Variants in FAM162A observed in about 807,000 individuals in gnomAD.
The protein encoded by FAM162A is family with sequence similarity 162 member A.
A neutral mutation model predicts 21.8 loss-of-function variants in FAM162A; 23 were observed. The ratio of observed to expected loss-of-function variants is 1.05; its 90% CI spans 0.76 to 1.49. The LOEUF is 1.49. Ranked by LOEUF, FAM162A falls within the 40% of genes most tolerant of loss-of-function variation. The pLI is 0.00. For synonymous variants in FAM162A, 53 were observed against 61.3 expected (o/e 0.86, Z 0.64); for missense variants, 165 against 186.4 (o/e 0.89, Z 0.67).
At chr3:122,385,822 G>C (rs1167693931) in intron 1 of FAM162A, among the ~76,000 whole-genome samples, 1 of 152,194 alleles carries the variant, frequency 6.6e-6, no homozygotes, top group African/African-American at 2.4e-5. Flanking sequence ...CTGATGCTTT[G>C]TGAGCAACTC....
chr3:122,397,222 AGGG>A (rs756443052), intron 1 of FAM162A, among the ~76,000 whole-genome samples: 4 of 151,990 alleles, frequency 2.6e-5, no homozygotes, highest in Non-Finnish European at 4.4e-5. Flanking sequence ...TTTAACAGCA[AGGG>A]GGGAAAAGTA....
intron 4 of FAM162A, 161 bp downstream of exon 4, chr3:122,407,550 C>T: frequency 1.8e-6 from 1 of 543,528 alleles, no homozygotes; most frequent in Non-Finnish European, 3.3e-6. Flanking sequence ...TGGGAACAAG[C>T]CTGGAATATC....
At chr3:122,406,476 T>TA (rs2107701159) in intron 3 of FAM162A, among the ~76,000 whole-genome samples, 1 of 152,366 alleles carries the variant, frequency 6.6e-6, no homozygotes, top group East Asian at 1.9e-4. Context: ...TAGACTCTTC[T>TA]ATATTAAGCC....
chr3:122,394,751 T>C (rs949950580), intron 1 of FAM162A, among the ~76,000 whole-genome samples: 1 of 151,970 alleles, frequency 6.6e-6, no homozygotes. Context: ...TCTTCCAAAA[T>C]ACAAAAGAGG....
chr3:122,392,487 A>G (rs907116999), intron 1 of FAM162A, among the ~76,000 whole-genome samples: 2 of 152,244 alleles, frequency 1.3e-5, no homozygotes, highest in African/African-American at 4.8e-5. Context: ...GGTAAATTTT[A>G]TGTTATGTAT....
At chr3:122,389,418 GATAGAT>G (rs2075590005) in intron 1 of FAM162A, among the ~76,000 whole-genome samples, 1 of 151,848 alleles carries the variant, frequency 6.6e-6, no homozygotes, top group Non-Finnish European at 1.5e-5. Context: ...TAGATAGATA[GATAGAT>G]AGATAGATAG....
intron 1 of FAM162A, among the ~76,000 whole-genome samples, chr3:122,394,264 G>C (rs1410071419): frequency 6.6e-6 from 1 of 152,088 alleles, no homozygotes; most frequent in Non-Finnish European, 1.5e-5. Context: ...CAACACTGGG[G>C]GTTACATTTC....
chr3:122,401,150 A>G (rs1415997081), intron 1 of FAM162A, among the ~76,000 whole-genome samples: 1 of 152,036 alleles, frequency 6.6e-6, no homozygotes, highest in Non-Finnish European at 1.5e-5. Flanking sequence ...CTGAAAATGC[A>G]TTTTTCATTT....
intron 1 of FAM162A, among the ~76,000 whole-genome samples, chr3:122,398,326 G>A (rs917259607): frequency 2.0e-5 from 3 of 152,118 alleles, no homozygotes; most frequent in Non-Finnish European, 4.4e-5. Flanking sequence ...ATGAAAGGTT[G>A]ATGGGGAACT....
intron 1 of FAM162A, among the ~76,000 whole-genome samples, chr3:122,384,936 T>C (rs1239991325): frequency 6.6e-6 from 1 of 152,222 alleles, no homozygotes; most frequent in Non-Finnish European, 1.5e-5. Flanking sequence ...ATTTGTGTGA[T>C]GACTATTTTG....
At chr3:122,385,653 A>G (rs1191052050) in intron 1 of FAM162A, among the ~76,000 whole-genome samples, 1 of 152,246 alleles carries the variant, frequency 6.6e-6, no homozygotes, top group East Asian at 1.9e-4. Flanking sequence ...CATCTCTGCA[A>G]ACTTCTGATG....
Position 122,402,765 on chromosome 3 carries a change from T to C in FAM162A, c.40T>C (p.Cys14Arg). Residue 14 changes from cysteine (C) to arginine (R), a missense_variant, in exon 2 of 5, where the codon TGT becomes CGT. Transcript: ENST00000477892. ...CATTTTCCTCTCTTTTTTAGGAAGC[T>C]GTTTTAGGTTATGTGAAAGAGATGT... ...LSGLRLAAGS[C>R]FRLCERDVSS... 1 of 1,479,388 alleles carries C rather than the reference T, an allele frequency of 6.8e-7. No homozygotes were observed. Among genetic ancestry groups the C allele is most frequent in the Non-Finnish European group, 9.0e-7 (1 of 1,112,466 alleles). 91.6% of individuals were successfully genotyped at this position (1,479,388 alleles called of 1,614,324 possible).
intron 1 of FAM162A, among the ~76,000 whole-genome samples, chr3:122,396,961 A>G (rs1215420096): frequency 6.9e-6 from 1 of 144,286 alleles, no homozygotes; most frequent in Non-Finnish European, 1.5e-5. Context: ...GAAGGAGGAA[A>G]CAGGGAATGA....
At chr3:122,408,836 T>C (rs973557222) in intron 4 of FAM162A, among the ~76,000 whole-genome samples, 4 of 152,226 alleles carry the variant, frequency 2.6e-5, no homozygotes, top group African/African-American at 9.6e-5. Flanking sequence ...ATATGCTGTG[T>C]ATTTTAGAGA....
intron 1 of FAM162A, among the ~76,000 whole-genome samples, chr3:122,400,331 T>C (rs2075647099): frequency 6.6e-6 from 1 of 151,236 alleles, no homozygotes; most frequent in Admixed American, 6.6e-5. Flanking sequence ...TGAGAACACA[T>C]GGACACAGGG....
chr3:122,389,366 G>C (rs2075588623), intron 1 of FAM162A, among the ~76,000 whole-genome samples: 1 of 149,008 alleles, frequency 6.7e-6, no homozygotes, highest in Non-Finnish European at 1.5e-5. Flanking sequence ...AGCCTTTCTG[G>C]AAAGTAGTAT....
At chr3:122,404,939 G>A (rs912525065) in intron 3 of FAM162A, among the ~76,000 whole-genome samples, 3 of 152,178 alleles carry the variant, frequency 2.0e-5, no homozygotes, top group African/African-American at 7.2e-5. Flanking sequence ...TTTGTGGCAG[G>A]GGGGTGTCCT....
At chr3:122,391,367 A>AT (rs1477934631) in intron 1 of FAM162A, among the ~76,000 whole-genome samples, 2 of 152,068 alleles carry the variant, frequency 1.3e-5, no homozygotes, top group Admixed American at 1.3e-4. Context: ...TAGTTTTTGT[A>AT]TTTTTTGTAG....
At chr3:122,390,914 T>C (rs1172546768) in intron 1 of FAM162A, among the ~76,000 whole-genome samples, 1 of 152,122 alleles carries the variant, frequency 6.6e-6, no homozygotes, top group Non-Finnish European at 1.5e-5. Context: ...AGACACAGAA[T>C]TGGTCAGCCA....
Sources: allele counts gnomAD v4.1 joint callset (sites outside exome capture counted in the v4.1 genomes callset), GRCh38; gene constraint gnomAD v4.1.1; transcripts MANE v1.5; gene names NCBI Gene and HGNC (gene_info 2026-07-23, HGNC 2026-07-21).